ITGA9: variants seen among roughly 807,000 people sequenced by gnomAD.
The protein encoded by ITGA9 is integrin subunit alpha 9.
ITGA9 carries 56 observed loss-of-function variants against 127.8 expected under a neutral mutation model. That is an observed-to-expected ratio of 0.44 (90% CI 0.35 to 0.55). The LOEUF (loss-of-function observed/expected upper bound fraction) is 0.55. Ranked by LOEUF, ITGA9 falls within the 20% of genes least tolerant of loss-of-function variation. The pLI, the probability that ITGA9 is intolerant of heterozygous loss-of-function variation, is 0.00. For synonymous variants in ITGA9, 508 were observed against 514.5 expected, an observed-to-expected ratio of 0.99 and a Z score of 0.17; for missense variants, 1,196 against 1,347.1, an observed-to-expected ratio of 0.89 and a Z score of 1.76.
chr3:37,461,167 C>T (rs1698312460), intron 1 of ITGA9, among the ~76,000 whole-genome samples: 1 of 152,154 alleles, frequency 6.6e-6, no homozygotes, highest in African/African-American at 2.4e-5. Flanking sequence ...GTTCCTGTCT[C>T]TACCTTCATT....
intron 23 of ITGA9, among the ~76,000 whole-genome samples, chr3:37,758,491 A>C (rs1263856370): frequency 6.6e-6 from 1 of 151,248 alleles, no homozygotes; most frequent in Non-Finnish European, 1.5e-5. Context: ...AAAAGGATTA[A>C]ATGAAAAATA....
intron 18 of ITGA9, among the ~76,000 whole-genome samples, chr3:37,728,842 T>C (rs138779309): frequency 3.2e-4 from 49 of 151,538 alleles, no homozygotes; most frequent in East Asian, 5.8e-4. Flanking sequence ...AGGGGATTTA[T>C]TGGGGCAAGA....
chr3:37,752,356 G>A (rs1312256941), intron 23 of ITGA9, among the ~76,000 whole-genome samples: 2 of 152,174 alleles, frequency 1.3e-5, no homozygotes, highest in Non-Finnish European at 2.9e-5. Context: ...ACTGCACTAG[G>A]AGGTGACCCT....
chr3:37,560,266 G>C (rs941595664), intron 15 of ITGA9, among the ~76,000 whole-genome samples: 1 of 152,148 alleles, frequency 6.6e-6, no homozygotes, highest in African/African-American at 2.4e-5. Flanking sequence ...CCGTGTCCCT[G>C]CAAAGGACAT....
At chr3:37,490,966 T>C (rs370607521) in intron 4 of ITGA9, among the ~76,000 whole-genome samples, 4,776 of 108,148 alleles carry the variant, frequency 0.044, 202 homozygotes, top group South Asian at 0.15. Context: ...AGATTTGGCT[T>C]CCCCCCCGCT....
At chr3:37,505,763 T>C (rs1698833945) in intron 6 of ITGA9, among the ~76,000 whole-genome samples, 1 of 152,228 alleles carries the variant, frequency 6.6e-6, no homozygotes, top group East Asian at 1.9e-4. Flanking sequence ...ACAGTACTTG[T>C]CCGAAAGAAG....
At chr3:37,769,215 A>G (rs760707807) in intron 23 of ITGA9, among the ~76,000 whole-genome samples, 2 of 151,906 alleles carry the variant, frequency 1.3e-5, no homozygotes, top group Admixed American at 6.6e-5. Flanking sequence ...GCACACACCC[A>G]TCATCCCAGC....
chr3:37,584,333 C>T (rs1699735936), intron 15 of ITGA9, among the ~76,000 whole-genome samples: 1 of 152,196 alleles, frequency 6.6e-6, no homozygotes, highest in Non-Finnish European at 1.5e-5. Context: ...CTTCTGCCCT[C>T]ATTCCATTGG....
At chr3:37,454,074 C>G (rs999025923) in intron 1 of ITGA9, among the ~76,000 whole-genome samples, 2 of 152,206 alleles carry the variant, frequency 1.3e-5, no homozygotes, top group Non-Finnish European at 2.9e-5. Flanking sequence ...GCACCAGGCA[C>G]GCGGGAAGCA....
In ITGA9 at chr3:37,819,330, G is replaced by T; in HGVS notation, c.*341G>T. 1 of 264,590 alleles carries T rather than the reference G, an allele frequency of 3.8e-6. No homozygotes were observed. The highest frequency in any genetic ancestry group is 2.2e-5 in the African/African-American group (1 of 45,342). 16.4% of individuals were successfully genotyped at this position (264,590 alleles called of 1,614,324 possible). On this transcript the variant is annotated 3_prime_UTR_variant, in exon 28 of 28. Coordinates refer to ENST00000264741, the MANE Select transcript of ITGA9 (RefSeq NM_002207.3). ...AATATAAGCCTTTTATACTGATTAT[G>T]TCTTTTATATTTGTATCGATGTTTT...
chr3:37,696,037 A>C (rs1559570396), intron 18 of ITGA9, among the ~76,000 whole-genome samples: 1 of 152,192 alleles, frequency 6.6e-6, no homozygotes, highest in Non-Finnish European at 1.5e-5. Flanking sequence ...AAGAAGGAGA[A>C]GGACAAAGGG....
At chr3:37,667,551 G>T (rs897971814) in intron 17 of ITGA9, among the ~76,000 whole-genome samples, 1 of 152,222 alleles carries the variant, frequency 6.6e-6, no homozygotes, top group African/African-American at 2.4e-5. Flanking sequence ...TAGCCATGCA[G>T]CAGAACTCTG....
intron 27 of ITGA9, 38 bp downstream of exon 27, chr3:37,803,980 C>A (rs752034852): frequency 1.2e-6 from 2 of 1,613,754 alleles, no homozygotes; most frequent in African/African-American, 1.3e-5. Context: ...GGGGTCCCCA[C>A]TCATAGATGC....
At chr3:37,486,911 C>G (rs989681029) in intron 4 of ITGA9, among the ~76,000 whole-genome samples, 3 of 152,148 alleles carry the variant, frequency 2.0e-5, no homozygotes, top group African/African-American at 4.8e-5. Context: ...GCTTTTATTT[C>G]TAGTGTGTGT....
Position 37,452,968 on chromosome 3 carries a change from C to T in ITGA9, c.185+409C>T, listed in dbSNP as rs1698212900. Among the ~76,000 whole-genome samples, 1 of 152,216 alleles carries T rather than the reference C, an allele frequency of 6.6e-6. No individual in the cohort carries two copies. The highest frequency in any genetic ancestry group is 2.4e-5 in the African/African-American group (1 of 41,472). The stretch of plus-strand genomic sequence containing the variant: ...TGAACCTCGCAGGGCCTGGAGGAGT[C>T]GGGGCACTGGAGCTGCACCCCTCCC... On this transcript the variant is annotated intron_variant, in intron 1 of 27. Coordinates refer to ENST00000264741, the MANE Select transcript of ITGA9 (RefSeq NM_002207.3). This position sits in a 1 kb window ranked among gnomAD's most constrained non-coding sequence, Gnocchi z 7.3.
intron 18 of ITGA9, among the ~76,000 whole-genome samples, chr3:37,690,653 G>T (rs1700822680): frequency 6.6e-6 from 1 of 152,164 alleles, no homozygotes; most frequent in Admixed American, 6.5e-5. Context: ...GGATGCAACA[G>T]CTTGCCACAG....
At chr3:37,591,377 G>C (rs1201370496) in intron 15 of ITGA9, among the ~76,000 whole-genome samples, 1 of 152,166 alleles carries the variant, frequency 6.6e-6, no homozygotes, top group East Asian at 1.9e-4. Context: ...AATCCCATTG[G>C]CATCTGGGGA....
chr3:37,458,128 T>G (rs939142017), intron 1 of ITGA9, among the ~76,000 whole-genome samples: 1 of 152,206 alleles, frequency 6.6e-6, no homozygotes, highest in Non-Finnish European at 1.5e-5. Flanking sequence ...CTACAAGAAG[T>G]CAGATGCTTT....
At chr3:37,501,262 G>C (rs918444704) in intron 5 of ITGA9, among the ~76,000 whole-genome samples, 1 of 152,128 alleles carries the variant, frequency 6.6e-6, no homozygotes, top group African/African-American at 2.4e-5. Context: ...ACCTCTGATG[G>C]ATACAAGCAC....
Sources: allele counts gnomAD v4.1 joint callset (sites outside exome capture counted in the v4.1 genomes callset), GRCh38; gene constraint gnomAD v4.1.1; non-coding constraint Gnocchi (gnomAD v3.1); transcripts MANE v1.5; gene names NCBI Gene and HGNC (gene_info 2026-07-23, HGNC 2026-07-21).